The following ZMYM6 variants were observed in gnomAD, a reference collection of about 807,000 sequenced individuals.
ZMYM6 encodes zinc finger MYM-type protein 6.
ZMYM6 carries 90 observed loss-of-function variants against 134.0 expected under a neutral mutation model. The ratio of observed to expected loss-of-function variants is 0.67; its 90% CI spans 0.57 to 0.80. ZMYM6 has a LOEUF of 0.80. Among genes scored for constraint, ZMYM6 ranks in the 30% least tolerant of loss-of-function variants. The pLI is 0.00. For missense variants in ZMYM6, 1,362 were observed against 1,533.9 expected (o/e 0.89, Z 1.87); for synonymous variants, 481 against 524.1 (o/e 0.92, Z 1.12).
At chr1:35,016,393 C>T (rs1022009205) in intron 4 of ZMYM6, among the ~76,000 whole-genome samples, 36 of 152,226 alleles carry the variant, frequency 2.4e-4, no homozygotes, top group African/African-American at 7.5e-4. Flanking sequence ...AAGAACGAGA[C>T]AGGAAGAACA....
chr1:35,027,594 G>C (rs955614604), intron 2 of ZMYM6, among the ~76,000 whole-genome samples: 2 of 151,934 alleles, frequency 1.3e-5, no homozygotes, highest in African/African-American at 4.8e-5. Flanking sequence ...ACAAAAACTA[G>C]CTGGGTGTGG....
At chr1:35,029,893 A>G (rs1242514312) in intron 2 of ZMYM6, among the ~76,000 whole-genome samples, 3 of 152,196 alleles carry the variant, frequency 2.0e-5, no homozygotes, top group Non-Finnish European at 4.4e-5. Context: ...TTACTTGACC[A>G]ATACTTTTGT....
chr1:35,029,702 G>A (rs558629835), intron 2 of ZMYM6, among the ~76,000 whole-genome samples: 6 of 152,152 alleles, frequency 3.9e-5, no homozygotes, highest in Admixed American at 3.3e-4. Flanking sequence ...CCCTCTGTCT[G>A]TAATACTCTT....
rs764222962 is a variant in ZMYM6, at chr1:35,012,028, CAAT to C, written c.947-26_947-24del. 4.1e-6 allele frequency: 6 copies of C among 1,469,356 alleles called. No individual in the cohort carries two copies. In the Admixed American group the frequency reaches 1.1e-4, roughly 26 times the overall value. The allele number at this position is 1,469,356 out of a possible 1,614,324, so 91.0% of individuals were successfully genotyped here. A position where few individuals can be genotyped will look rare whatever the true frequency, so the allele number is the denominator to read the frequency against. On this transcript the variant is annotated intron_variant, in intron 7 of 15. Coordinates refer to ENST00000357182, the MANE Select transcript of ZMYM6 (RefSeq NM_007167.4). ...CACCTTGGTGACAAAAAATTAAAAACAATGATTAAGTTATACCAATGAACAAAC... is the reference window on the plus strand; with the variant it reads ...CACCTTGGTGACAAAAAATTAAAAACGATTAAGTTATACCAATGAACAAAC...
intron 6 of ZMYM6, among the ~76,000 whole-genome samples, chr1:35,013,944 C>T (rs1478477070): frequency 3.9e-5 from 6 of 152,200 alleles, no homozygotes; most frequent in South Asian, 2.1e-4. Flanking sequence ...CCCGCCTTGA[C>T]CTCCCAAAGT....
intron 15 of ZMYM6, 32 bp downstream of exon 15, chr1:34,992,202 C>A: frequency 1.9e-6 from 3 of 1,613,404 alleles, no homozygotes; most frequent in Non-Finnish European, 2.5e-6. Context: ...AGAAAACAAG[C>A]TTTGTACATG....
chr1:35,020,319 C>T, intron 3 of ZMYM6, 64 bp downstream of exon 3: 1 of 1,439,340 alleles, frequency 6.9e-7, no homozygotes, highest in Non-Finnish European at 9.5e-7. Flanking sequence ...GATGCTTTCC[C>T]TCAATTTTAA....
intron 15 of ZMYM6, chr1:34,992,017 C>G: frequency 1.7e-6 from 1 of 602,376 alleles, no homozygotes. Context: ...TTAACTAAAA[C>G]TGTATGTTAG....
intron 4 of ZMYM6, among the ~76,000 whole-genome samples, chr1:35,015,743 A>AAAAAAAAAAAAATATATATATATATAT: frequency 1.9e-5 from 2 of 106,476 alleles, no homozygotes; most frequent in African/African-American, 1.3e-4. Context: ...AAAAAAAAAA[A>AAAAAAAAAAAAATATATATATATATAT]ATATATATAT....
At chr1:35,007,338 C>T (rs60576178) in intron 11 of ZMYM6, among the ~76,000 whole-genome samples, 20,716 of 152,084 alleles carry the variant, frequency 0.14, 4,529 homozygotes, top group African/African-American at 0.46. Flanking sequence ...CGCCTGTAAT[C>T]CCAGCATTTT....
intron 14 of ZMYM6, among the ~76,000 whole-genome samples, chr1:35,000,669 A>G (rs899601500): frequency 2.0e-5 from 3 of 152,220 alleles, no homozygotes; most frequent in African/African-American, 4.8e-5. Context: ...CCTACTCAGT[A>G]TCAACATGGA....
intron 15 of ZMYM6, chr1:34,991,974 T>TA (rs539318870): frequency 0.05 from 16,996 of 342,102 alleles, no homozygotes; most frequent in South Asian, 0.071. Flanking sequence ...TCGCAGTATT[T>TA]AAAAAAAAAA....
At chr1:35,012,052 C>A (rs1389606328) in intron 7 of ZMYM6, 47 bp from the exon 8 acceptor site, 2 of 1,166,774 alleles carry the variant, frequency 1.7e-6, no homozygotes, top group South Asian at 1.6e-5. Context: ...TACCAATGAA[C>A]AAACAATACA....
rs115319623 is a variant in ZMYM6 at position 35,022,115 on chromosome 1, C to T, written c.94-1648G>A. Among the ~76,000 whole-genome samples the T allele has an allele frequency of 5.2e-3, 794 of 152,226 alleles. 8 individuals are homozygous for T. The highest frequency in any genetic ancestry group is 0.017 in the African/African-American group (711 of 41,530). On this transcript the variant is annotated intron_variant, in intron 2 of 15. Transcript: ENST00000357182. ...AACCATTGCATTAATTCACCACTTC[C>T]CATGATATGTATTATGAGCACCCAA...
Position 34,988,190 on chromosome 1 carries a change from A to G in ZMYM6, c.2892T>C (p.Tyr964=), listed in dbSNP as rs1479774282. The change falls in exon 16 of 16, where the codon TAT becomes TAC. Residue 964 remains tyrosine (Y), a synonymous_variant. Coordinates refer to ENST00000357182, the MANE Select transcript of ZMYM6 (RefSeq NM_007167.4). ...GFEIFELINK[Y]IDSKSLNWKH... ...TCCAATTCAGAGATTTACTATCAATATATTTATTTATTAGTTCAAATATTT... is the reference window on the plus strand; with the variant it reads ...TCCAATTCAGAGATTTACTATCAATGTATTTATTTATTAGTTCAAATATTT... 11 of 1,548,686 alleles carry G rather than the reference A, an allele frequency of 7.1e-6. No homozygotes were observed. Among genetic ancestry groups the G allele is most frequent in the Middle Eastern group, 1.7e-4 (1 of 5,976 alleles).
At position 34,987,707 on chromosome 1, in the gene ZMYM6, T is replaced by C. The variant is rs1356269673; in HGVS notation, c.3375A>G (p.Glu1125=). The change falls in exon 16 of 16, where the codon GAA becomes GAG. Residue 1125 remains glutamate (E), a synonymous_variant. Coordinates refer to ENST00000357182, the MANE Select transcript of ZMYM6 (RefSeq NM_007167.4). The part of the protein sequence containing the change: ...YLSDIFSLIN[E]LNLSLQGTLT... ...AAGTTCCTTGGAGACTTAAATTTAATTCATTTATAAGTGAAAATATATCTG... is the reference window on the plus strand; with the variant it reads ...AAGTTCCTTGGAGACTTAAATTTAACTCATTTATAAGTGAAAATATATCTG... The C allele has an allele frequency of 6.4e-7, 1 of 1,550,460 alleles. No homozygotes were observed. The highest frequency in any genetic ancestry group is 1.4e-5 in the African/African-American group (1 of 73,096).
At chr1:35,011,156 C>T in intron 8 of ZMYM6, 120 bp from the exon 9 acceptor site, 1 of 1,086,218 alleles carries the variant, frequency 9.2e-7, no homozygotes, top group East Asian at 2.6e-5. Flanking sequence ...AATTTTCTAT[C>T]TCACAGAAAG....
Position 35,014,677 on chromosome 1 carries a change from C to G in ZMYM6, c.795+20G>C, listed in dbSNP as rs1641149008. 1 of 1,606,974 alleles carries G rather than the reference C, an allele frequency of 6.2e-7. No individual in the cohort carries two copies. The highest frequency in any genetic ancestry group is 8.5e-7 in the Non-Finnish European group (1 of 1,176,250). On this transcript the variant is annotated intron_variant, in intron 6 of 15. Coordinates refer to ENST00000357182, the MANE Select transcript of ZMYM6 (RefSeq NM_007167.4). ...CAGAAGGAGTGGGCCTAAGTACATG[C>G]AACAAATAGATATTCATACCTGCTT...
chr1:35,020,571 T>A, intron 2 of ZMYM6, 104 bp from the exon 3 acceptor site: 4 of 480,814 alleles, frequency 8.3e-6, no homozygotes, highest in Non-Finnish European at 1.2e-5. Flanking sequence ...TCATCTCCTT[T>A]TTTTTTTTTT....
Sources: gnomAD v4.1 joint callset for allele counts (sites outside exome capture counted in the v4.1 genomes callset) on GRCh38, gnomAD v4.1.1 for gene constraint, MANE v1.5 for transcripts, NCBI Gene and HGNC (gene_info 2026-07-23, HGNC 2026-07-21) for gene names.